Variants in CD248 observed in about 807,000 individuals in gnomAD.
CD248 encodes the protein CD248 molecule, also known as endosialin.
A neutral mutation model predicts 8.0 loss-of-function variants in CD248; 7 were observed. The ratio of observed to expected loss-of-function variants is 0.88; its 90% CI spans 0.50 to 1.64. The LOEUF (loss-of-function observed/expected upper bound fraction) is 1.64, where lower values mean the gene tolerates loss of function less well. CD248 is among the 40% of genes most tolerant of loss of function. CD248 has a pLI of 0.00. For synonymous variants in CD248, 418 were observed against 437.1 expected (o/e 0.96, Z 0.54); for missense variants, 912 against 1,027.2 (o/e 0.89, Z 1.53).
chr11:66,316,614 G>C lies in CD248; in HGVS notation c.414C>G (p.Gly138=). ...ACGAGCCCTCCAGCCAGCGGTGCTC[G>C]CCACTTGCCTCCAGGGCCACACAGC... ...AQRCVALEAS[G]EHRWLEGSCT... Residue 138 remains glycine, a synonymous_variant, in exon 1 of 1, where the codon GGC becomes GGG. Coordinates refer to ENST00000311330, the MANE Select transcript of CD248 (RefSeq NM_020404.3). 2.5e-6 allele frequency: 4 copies of C among 1,602,234 alleles called. No homozygotes were observed. The highest frequency in any genetic ancestry group is 3.4e-6 in the Non-Finnish European group (4 of 1,178,814).
In CD248 at chr11:66,314,760, G is replaced by T. The variant is rs756073730; in HGVS notation, c.2268C>A (p.Ser756Arg). 1 of 1,549,398 alleles carries T rather than the reference G, an allele frequency of 6.5e-7. No homozygotes were observed. The highest frequency in any genetic ancestry group is 8.7e-7 in the Non-Finnish European group (1 of 1,146,790). ...GAGGGGGGTCTGCACCCCATCACAC[G>T]CTGGTTCTGCAGGTCTGCACCCCTG... ...SLTGVQTCRTSV is the reference protein window; with the variant it reads ...SLTGVQTCRTRV Residue 756 changes from serine to arginine, a missense_variant, in exon 1 of 1, where the codon AGC (serine) becomes AGA (arginine). Around this residue, in one of 3 missense-constraint regions of CD248, gnomAD observed 507 missense variants for 562.2 expected, o/e 0.90. Coordinates refer to ENST00000311330, the MANE Select transcript of CD248 (RefSeq NM_020404.3). This position sits in a 1 kb window ranked among gnomAD's most constrained non-coding sequence, Gnocchi z 4.0.
rs1565194935 is a variant in CD248, at chr11:66,315,802, G to C, written c.1226C>G (p.Ala409Gly). The C allele has an allele frequency of 6.2e-7, 1 of 1,613,928 alleles. No homozygotes were observed. Among genetic ancestry groups the C allele is most frequent in the Middle Eastern group, 1.6e-4 (1 of 6,062 alleles). The change falls in exon 1 of 1, where the codon GCC (alanine) becomes GGC (glycine). Residue 409 changes from alanine (A) to glycine (G), a missense_variant. By Grantham distance (60) the Ala-to-Gly change is moderately conservative. Transcript: ENST00000311330. The surrounding 1 kb of genome is among the most constrained non-coding windows in gnomAD (Gnocchi z 4.3). ...EPTQPPDFAL[A>G]YRPSFPEDRE... ...GTCCTCTGGGAAGCTCGGTCTATAG[G>C]CCAGGGCAAAGTCAGGCGGCTGCGT...
Position 66,316,256 on chromosome 11 carries a change from A to G in CD248, c.772T>C (p.Cys258Arg). 3 of 1,613,578 alleles carry G rather than the reference A, an allele frequency of 1.9e-6. No individual in the cohort carries two copies. Among genetic ancestry groups the G allele is most frequent in the Non-Finnish European group, 2.5e-6 (3 of 1,179,940 alleles). The change falls in exon 1 of 1, where the codon TGC becomes CGC. Residue 258 changes from cysteine (C) to arginine (R), a missense_variant. Coordinates refer to ENST00000311330, the MANE Select transcript of CD248 (RefSeq NM_020404.3). ...EEVDGHVSCR[C>R]TEGFRLAADG... Reference sequence around the variant, plus strand: ...GCTGCCAGCCGGAAGCCCTCAGTGCAGCGGCAGGACACGTGACCATCCACC... The same window carrying G: ...GCTGCCAGCCGGAAGCCCTCAGTGCGGCGGCAGGACACGTGACCATCCACC...
chr11:66,314,570 G>A lies in CD248; in HGVS notation c.*184C>T, dbSNP rs1854520424. On this transcript the variant is annotated 3_prime_UTR_variant, in exon 1 of 1. Coordinates refer to ENST00000311330, the MANE Select transcript of CD248 (RefSeq NM_020404.3). The surrounding 1 kb of genome is among the most constrained non-coding windows in gnomAD (Gnocchi z 4.0). ...GTCTTAAGGGCTTTGGTGTATCCTT[G>A]GTCACGAGCGCTGGGCCAGGAAGCA... 1.7e-6 allele frequency: 1 copy of A among 593,532 alleles called. No individual in the cohort carries two copies. The highest frequency in any genetic ancestry group is 3.0e-6 in the Non-Finnish European group (1 of 336,294). 36.8% of individuals were successfully genotyped at this position (593,532 alleles called of 1,614,324 possible). A position where few individuals can be genotyped will look rare whatever the true frequency, so the allele number is the denominator to read the frequency against.
chr11:66,314,996 C>G lies in CD248; in HGVS notation c.2032G>C (p.Glu678Gln). The change falls in exon 1 of 1, where the codon GAG becomes CAG. Residue 678 changes from glutamate (E) to glutamine (Q), a missense_variant. By Grantham distance (29) the Glu-to-Gln change is conservative. Around this residue, in one of 3 missense-constraint regions of CD248, gnomAD observed 507 missense variants for 562.2 expected, o/e 0.90. Transcript: ENST00000311330. The surrounding 1 kb of genome is among the most constrained non-coding windows in gnomAD (Gnocchi z 4.0). ...PTALGEAGLA[E>Q]HSQRDDRWLL... ...CACCGGTCATCCCTCTGGCTGTGCT[C>G]GGCAAGACCAGCCTCCCCCAGGGCT... The G allele has an allele frequency of 6.2e-7, 1 of 1,611,166 alleles. No individual in the cohort carries two copies. Among genetic ancestry groups the G allele is most frequent in the Non-Finnish European group, 8.5e-7 (1 of 1,178,630 alleles).
Position 66,315,023 on chromosome 11 carries a change from T to C in CD248, c.2005A>G (p.Thr669Ala), listed in dbSNP as rs1414274491. 6.2e-7 allele frequency: 1 copy of C among 1,601,656 alleles called. No individual in the cohort carries two copies. Among genetic ancestry groups the C allele is most frequent in the East Asian group, 2.2e-5 (1 of 44,726 alleles). The change falls in exon 1 of 1, where the codon ACA becomes GCA. Residue 669 changes from threonine to alanine, a missense_variant. Thr to Ala is a moderately conservative substitution (Grantham distance 58). Around this residue, in one of 3 missense-constraint regions of CD248, gnomAD observed 507 missense variants for 562.2 expected, o/e 0.90. Transcript: ENST00000311330. This position sits in a 1 kb window ranked among gnomAD's most constrained non-coding sequence, Gnocchi z 4.3. ...GCAAGACCAGCCTCCCCCAGGGCTG[T>C]TGGGGCTGCTGTGGGAGCTGGTGAG... ...LPSPAPTAAPTALGEAGLAEH... is the reference protein window; with the variant it reads ...LPSPAPTAAPAALGEAGLAEH...
rs1208535532 is a variant in CD248 at position 66,314,757 on chromosome 11, C to A, written c.2271G>T (p.Val757=). ...LTGVQTCRTS[V] Reference sequence around the variant, plus strand: ...CATGAGGGGGGTCTGCACCCCATCACACGCTGGTTCTGCAGGTCTGCACCC... The same window carrying A: ...CATGAGGGGGGTCTGCACCCCATCAAACGCTGGTTCTGCAGGTCTGCACCC... The change falls in exon 1 of 1, where the codon GTG becomes GTT. Residue 757 remains valine, a synonymous_variant. Transcript: ENST00000311330. This position sits in a 1 kb window ranked among gnomAD's most constrained non-coding sequence, Gnocchi z 4.0. 3.9e-6 allele frequency: 6 copies of A among 1,548,906 alleles called. No individual in the cohort carries two copies. Among genetic ancestry groups the A allele is most frequent in the Non-Finnish European group, 5.2e-6 (6 of 1,146,584 alleles).
In CD248 at chr11:66,314,937, GAC is replaced by G. The variant is rs1854526367; in HGVS notation, c.2089_2090del (p.Val697LeufsTer27). On this transcript the variant is annotated frameshift_variant, in exon 1 of 1. Coordinates refer to ENST00000311330, the MANE Select transcript of CD248 (RefSeq NM_020404.3). LOFTEE classifies it high-confidence loss of function. This position sits in a 1 kb window ranked among gnomAD's most constrained non-coding sequence, Gnocchi z 4.0. ...CCAGTGCAAGCAGGACCACCAAAAAGACACACGTTGGCACCAGGAGTGCCACC... is the reference window on the plus strand; with the variant it reads ...CCAGTGCAAGCAGGACCACCAAAAAGACACGTTGGCACCAGGAGTGCCACC... ...LLVALLVPTCVFLVVLLALGI... is the reference protein window; with the variant it reads ...LLVALLVPTCXFLVVLLALGI... 1 of 1,613,318 alleles carries G rather than the reference GAC, an allele frequency of 6.2e-7. No individual in the cohort carries two copies. The highest frequency in any genetic ancestry group is 1.3e-5 in the African/African-American group (1 of 74,928).
In CD248 at chr11:66,316,461, C is replaced by G. The variant is rs777573055; in HGVS notation, c.567G>C (p.Glu189Asp). The change falls in exon 1 of 1, where the codon GAG becomes GAC. Residue 189 changes from glutamate to aspartate, a missense_variant. Coordinates refer to ENST00000311330, the MANE Select transcript of CD248 (RefSeq NM_020404.3). ...YTTPFHLVST[E>D]FEWLPFGSVA... ...CAGAGCCGAAGGGCAGCCACTCAAA[C>G]TCTGTGGAGACCAGGTGGAAGGGCG... is the stretch of plus-strand genomic sequence containing the variant. 1 of 1,600,916 alleles carries G rather than the reference C, an allele frequency of 6.2e-7. No individual in the cohort carries two copies. The highest frequency in any genetic ancestry group is 1.1e-5 in the South Asian group (1 of 91,070).
chr11:66,314,943 CGTT>C lies in CD248; in HGVS notation c.2082_2084del (p.Thr695del). 1.9e-6 allele frequency: 3 copies of C among 1,613,426 alleles called. No individual in the cohort carries two copies. Among genetic ancestry groups the C allele is most frequent in the Non-Finnish European group, 2.5e-6 (3 of 1,179,924 alleles). ...CAAGCAGGACCACCAAAAAGACACA[CGTT>C]GGCACCAGGAGTGCCACCAGCAGCC... On this transcript the variant is annotated inframe_deletion, in exon 1 of 1. Transcript: ENST00000311330. The surrounding 1 kb of genome is among the most constrained non-coding windows in gnomAD (Gnocchi z 4.0).
chr11:66,315,273 G>T lies in CD248; in HGVS notation c.1755C>A (p.Ile585=). The T allele has an allele frequency of 6.5e-7, 1 of 1,541,706 alleles. No individual in the cohort carries two copies. Among genetic ancestry groups the T allele is most frequent in the Non-Finnish European group, 8.7e-7 (1 of 1,144,070 alleles). Reference sequence around the variant, plus strand: ...TGGTCAGAGAGGGCTGGGCAGTTGGGATAATGGGAAGCTGGGTGGCCTGGG... The same window carrying T: ...TGGTCAGAGAGGGCTGGGCAGTTGGTATAATGGGAAGCTGGGTGGCCTGGG... ...LRTQATQLPI[I]PTAQPSLTTT... is the part of the protein sequence containing the mutation. The change falls in exon 1 of 1, where the codon ATC becomes ATA. Residue 585 remains isoleucine, a synonymous_variant. Coordinates refer to ENST00000311330, the MANE Select transcript of CD248 (RefSeq NM_020404.3). This position sits in a 1 kb window ranked among gnomAD's most constrained non-coding sequence, Gnocchi z 4.3.
Position 66,316,404 on chromosome 11 carries a change from T to G in CD248, c.624A>C (p.Gly208=). 6.2e-7 allele frequency: 1 copy of G among 1,607,166 alleles called. No individual in the cohort carries two copies. Among genetic ancestry groups the G allele is most frequent in the Non-Finnish European group, 8.5e-7 (1 of 1,179,828 alleles). The change falls in exon 1 of 1, where the codon GGA becomes GGC. Residue 208 remains glycine, a synonymous_variant. Coordinates refer to ENST00000311330, the MANE Select transcript of CD248 (RefSeq NM_020404.3). ...GCTGCTTCACGCAGAGCAGAGAGGC[T>G]CCCCTGCCAGCCTGGCACTGCACAG... ...VAAVQCQAGR[G]ASLLCVKQPE...
chr11:66,315,608 G>A lies in CD248; in HGVS notation c.1420C>T (p.Pro474Ser). The change falls in exon 1 of 1, where the codon CCA becomes TCA. Residue 474 changes from proline (P) to serine (S), a missense_variant. Coordinates refer to ENST00000311330, the MANE Select transcript of CD248 (RefSeq NM_020404.3). The surrounding 1 kb of genome is among the most constrained non-coding windows in gnomAD (Gnocchi z 4.3). ...ATCTGGTGGTCACGGGACAAAGCTG[G>A]GTGTGTGGCAGGGATCACAGGAGGC... is the stretch of plus-strand genomic sequence containing the variant. ...HQPPVIPATHPALSRDHQIPV... is the reference protein window; with the variant it reads ...HQPPVIPATHSALSRDHQIPV... 6.2e-7 allele frequency: 1 copy of A among 1,613,950 alleles called. No individual in the cohort carries two copies. The highest frequency in any genetic ancestry group is 1.3e-5 in the African/African-American group (1 of 74,980).
Position 66,315,561 on chromosome 11 carries a change from A to T in CD248, c.1467T>A (p.Tyr489Ter). The change falls in exon 1 of 1, where the codon TAT becomes TAA. Residue 489 changes from tyrosine to a stop codon, truncating the protein, a stop_gained. Coordinates refer to ENST00000311330, the MANE Select transcript of CD248 (RefSeq NM_020404.3). LOFTEE classifies it low-confidence loss of function (END_TRUNC). The surrounding 1 kb of genome is among the most constrained non-coding windows in gnomAD (Gnocchi z 4.3). ...DHQIPVIAANYPDLPSAYQPG... is the reference protein window; with the variant it reads ...DHQIPVIAAN ...GTTGGTAGGCAGAAGGCAGATCTGG[A>T]TAGTTGGCTGCGATCACGGGGATCT... is the stretch of plus-strand genomic sequence containing the variant. The T allele has an allele frequency of 6.2e-7, 1 of 1,613,770 alleles. No homozygotes were observed. Among genetic ancestry groups the T allele is most frequent in the Non-Finnish European group, 8.5e-7 (1 of 1,179,880 alleles).
In CD248 at chr11:66,315,775, C is replaced by G. The variant is rs1854539793; in HGVS notation, c.1253G>C (p.Arg418Thr). 6.2e-7 allele frequency: 1 copy of G among 1,613,094 alleles called. No homozygotes were observed. Reference sequence around the variant, plus strand: ...CTCCGGGTAGGGTATCTGTGGCTCTCTGTCCTCTGGGAAGCTCGGTCTATA... The same window carrying G: ...CTCCGGGTAGGGTATCTGTGGCTCTGTGTCCTCTGGGAAGCTCGGTCTATA... ...LAYRPSFPED[R>T]EPQIPYPEPT... The change falls in exon 1 of 1, where the codon AGA becomes ACA. Residue 418 changes from arginine to threonine, a missense_variant. Physicochemically the swap from Arg to Thr is moderately conservative, Grantham distance 71 (BLOSUM62 -1). This residue lies in a region of CD248 where 507 missense variants were observed against 562.2 expected (regional missense o/e 0.90). Transcript: ENST00000311330. The surrounding 1 kb of genome is among the most constrained non-coding windows in gnomAD (Gnocchi z 4.3).
chr11:66,315,307 A>G lies in CD248; in HGVS notation c.1721T>C (p.Val574Ala), dbSNP rs776530470. 3.2e-6 allele frequency: 5 copies of G among 1,562,058 alleles called. No individual in the cohort carries two copies. In the South Asian group the frequency reaches 6.1e-5, roughly 19 times the overall value. Residue 574 changes from valine to alanine, a missense_variant, in exon 1 of 1, where the codon GTC becomes GCC. By Grantham distance (64) the Val-to-Ala change is moderately conservative. This residue lies in a region of CD248 where 507 missense variants were observed against 562.2 expected (regional missense o/e 0.90). Transcript: ENST00000311330. The surrounding 1 kb of genome is among the most constrained non-coding windows in gnomAD (Gnocchi z 4.3). The stretch of plus-strand genomic sequence containing the variant: ...AAGCTGGGTGGCCTGGGTTCTGAGG[A>G]CAAGGGCATCTGGGGCTTGAGGGGG... ...QLPPQAPDAL[V>A]LRTQATQLPI...
Position 66,314,522 on chromosome 11 carries a change from G to T in CD248, c.*232C>A. 1 of 499,394 alleles carries T rather than the reference G, an allele frequency of 2.0e-6. No homozygotes were observed. The highest frequency in any genetic ancestry group is 3.6e-5 in the South Asian group (1 of 27,908). 30.9% of individuals were successfully genotyped at this position (499,394 alleles called of 1,614,324 possible). A position where few individuals can be genotyped will look rare whatever the true frequency, so the allele number is the denominator to read the frequency against. ...GGTTGACACCCCATTTATTGGAGAA[G>T]ACCCCAGCACCCGCCCCCTGAGGTC... On this transcript the variant is annotated 3_prime_UTR_variant, in exon 1 of 1. Coordinates refer to ENST00000311330, the MANE Select transcript of CD248 (RefSeq NM_020404.3). This position sits in a 1 kb window ranked among gnomAD's most constrained non-coding sequence, Gnocchi z 4.0.
In CD248 at chr11:66,315,710, A is replaced by AG; in HGVS notation, c.1317dup (p.Tyr440LeufsTer40). ...GTGACGGAGAGCACTGAGGAGTGGTAGGGGACCCTGGGGGCACTGAGCGGG... is the reference window on the plus strand; with the variant it reads ...GTGACGGAGAGCACTGAGGAGTGGTAGGGGGACCCTGGGGGCACTGAGCGGG... On this transcript the variant is annotated frameshift_variant, in exon 1 of 1. Coordinates refer to ENST00000311330, the MANE Select transcript of CD248 (RefSeq NM_020404.3). LOFTEE classifies it low-confidence loss of function (END_TRUNC). This position sits in a 1 kb window ranked among gnomAD's most constrained non-coding sequence, Gnocchi z 4.3. 6.2e-7 allele frequency: 1 copy of AG among 1,612,014 alleles called. No homozygotes were observed. The highest frequency in any genetic ancestry group is 8.5e-7 in the Non-Finnish European group (1 of 1,178,692).
In CD248 at chr11:66,316,408, C is replaced by T. The variant is rs775842730; in HGVS notation, c.620G>A (p.Arg207Lys). 38 of 1,606,818 alleles carry T rather than the reference C, an allele frequency of 2.4e-5. 1 individual carries two copies. In the South Asian group the frequency reaches 4.2e-4, roughly 18 times the overall value. ...SVAAVQCQAGRGASLLCVKQP... is the reference protein window; with the variant it reads ...SVAAVQCQAGKGASLLCVKQP... ...CTTCACGCAGAGCAGAGAGGCTCCC[C>T]TGCCAGCCTGGCACTGCACAGCGGC... The change falls in exon 1 of 1, where the codon AGG becomes AAG. Residue 207 changes from arginine (R) to lysine (K), a missense_variant. Arg to Lys is a conservative substitution (Grantham distance 26). This residue lies in a region of CD248 where 403 missense variants were observed against 446.2 expected (regional missense o/e 0.90). Transcript: ENST00000311330.
Sources: gnomAD v4.1 joint callset for allele counts on GRCh38, gnomAD v4.1.1 for gene constraint, gnomAD v4.1.1 regional missense constraint, Gnocchi (gnomAD v3.1) non-coding constraint, MANE v1.5 for transcripts, NCBI Gene and HGNC (gene_info 2026-07-23, HGNC 2026-07-21) for gene names.